The following OVCH1 variants were observed in gnomAD, a reference collection of about 807,000 sequenced individuals.
OVCH1 encodes ovochymase 1.
A neutral mutation model predicts 138.4 loss-of-function variants in OVCH1; 139 were observed. The ratio of observed to expected loss-of-function variants is 1.00; its 90% confidence interval spans 0.87 to 1.16. OVCH1 has a LOEUF of 1.16. Ranked by LOEUF, OVCH1 falls within the 50% of genes most tolerant of loss-of-function variation. The pLI is 0.00. For synonymous variants in OVCH1, 453 were observed against 467.8 expected, an observed-to-expected ratio of 0.97 and a Z score of 0.41; for missense variants, 1,367 against 1,357.9, an observed-to-expected ratio of 1.01 and a Z score of -0.11.
At chr12:29,460,426 A>C (rs1192290986) in intron 19 of OVCH1, among the ~76,000 whole-genome samples, 1 of 152,162 alleles carries the variant, frequency 6.6e-6, no homozygotes, top group Non-Finnish European at 1.5e-5. Context: ...TATGTACTCT[A>C]GCAGACAGCA....
At position 29,427,796 on chromosome 12, in the gene OVCH1, A is replaced by G. The variant is rs1365869108; in HGVS notation, c.3328-148T>C. 6 of 1,160,238 alleles carry G rather than the reference A, an allele frequency of 5.2e-6. No individual in the cohort carries two copies. In the African/African-American group the frequency reaches 7.7e-5, roughly 15 times the overall value. 71.9% of individuals were successfully genotyped at this position (1,160,238 alleles called of 1,614,324 possible). A position where few individuals can be genotyped will look rare whatever the true frequency, so the allele number is the denominator to read the frequency against. Reference sequence around the variant, plus strand: ...CATTAGGTCCAAAATCTTTACAGAAATTGCATGGTTCATTGAAGTAAAATT... The same window carrying G: ...CATTAGGTCCAAAATCTTTACAGAAGTTGCATGGTTCATTGAAGTAAAATT... On this transcript the variant is annotated intron_variant, in intron 27 of 27. Transcript: ENST00000318184.
intron 19 of OVCH1, among the ~76,000 whole-genome samples, chr12:29,460,362 GA>G (rs1480080996): frequency 2.0e-5 from 3 of 152,170 alleles, no homozygotes; most frequent in Non-Finnish European, 4.4e-5. Context: ...AGACTGAGGG[GA>G]AGAATGAACA....
rs548974060 is a variant in OVCH1 at position 29,495,240 on chromosome 12, G to A, written c.454+45C>T. Reference sequence around the variant, plus strand: ...AAAGTTAACTTGTACATAATTAGCAGTTTTCCTCCACTGCATTTTTAATAT... The same window carrying A: ...AAAGTTAACTTGTACATAATTAGCAATTTTCCTCCACTGCATTTTTAATAT... On this transcript the variant is annotated intron_variant, in intron 4 of 27. Transcript: ENST00000318184. 9.2e-5 allele frequency: 141 copies of A among 1,539,064 alleles called. 1 individual carries two copies. In the South Asian group the frequency reaches 1.5e-3, roughly 16 times the overall value.
At chr12:29,413,681 C>CACACACAG (rs1940992920) in intron 3 of OVCH1, among the ~76,000 whole-genome samples, 1 of 152,034 alleles carries the variant, frequency 6.6e-6, no homozygotes, top group African/African-American at 2.4e-5. Flanking sequence ...CACACACACA[C>CACACACAG]ACACACACAT....
rs113602765 is a variant in OVCH1 at position 29,452,193 on chromosome 12, T to C, written c.2531-624A>G. On this transcript the variant is annotated intron_variant, in intron 21 of 27. Transcript: ENST00000318184. ...ATGTCTATTCCTTTGACAAAAACTTTCTAAGCAATTAAAAAATGAAATATT... is the reference window on the plus strand; with the variant it reads ...ATGTCTATTCCTTTGACAAAAACTTCCTAAGCAATTAAAAAATGAAATATT... 3.7e-4 allele frequency among the ~76,000 whole-genome samples: 56 copies of C among 152,298 alleles called. 1 individual carries two copies. Among genetic ancestry groups the C allele is most frequent in the African/African-American group, 1.3e-3 (55 of 41,574 alleles).
chr12:29,464,520 T>C (rs760641531), exon 18 of OVCH1: 1 of 1,613,336 alleles, frequency 6.2e-7, no homozygotes, highest in South Asian at 1.1e-5. Context: ...CACTGATGCT[T>C]CCCCATCCGG....
intron 3 of OVCH1, among the ~76,000 whole-genome samples, chr12:29,413,585 C>T (rs1295637055): frequency 6.6e-6 from 1 of 152,004 alleles, no homozygotes; most frequent in African/African-American, 2.4e-5. Context: ...TGTATTTAAA[C>T]ATTCACATTT....
chr12:29,487,959 C>T, intron 6 of OVCH1, 77 bp from the exon 7 acceptor site: 1 of 1,363,178 alleles, frequency 7.3e-7, no homozygotes, highest in Non-Finnish European at 9.9e-7. Flanking sequence ...TAAACATCAG[C>T]ACTCATCACA....
chr12:29,435,816 T>C (rs1010791080), intron 26 of OVCH1, among the ~76,000 whole-genome samples: 17 of 152,210 alleles, frequency 1.1e-4, no homozygotes, highest in Middle Eastern at 3.2e-3. Flanking sequence ...AAGCTCCCTG[T>C]AACTGCTCCA....
chr12:29,449,521 G>T (rs1041293778), intron 22 of OVCH1, among the ~76,000 whole-genome samples: 1 of 151,980 alleles, frequency 6.6e-6, no homozygotes, highest in African/African-American at 2.4e-5. Flanking sequence ...ACTTGTTTGT[G>T]TCCTCTCTCA....
chr12:29,411,075 C>A (rs1474930163), downstream of OVCH1, among the ~76,000 whole-genome samples: 2 of 132,158 alleles, frequency 1.5e-5, no homozygotes, highest in Non-Finnish European at 3.4e-5. Context: ...ATCGCTGATA[C>A]CCTTTCTTCC....
chr12:29,413,341 T>C (rs1385246718), intron 3 of OVCH1, among the ~76,000 whole-genome samples: 2 of 152,122 alleles, frequency 1.3e-5, no homozygotes, highest in Admixed American at 6.5e-5. Flanking sequence ...TCCATAATCA[T>C]TTTTTAAAAA....
At chr12:29,438,804 A>G (rs1049777193) in intron 26 of OVCH1, among the ~76,000 whole-genome samples, 1 of 152,156 alleles carries the variant, frequency 6.6e-6, no homozygotes, top group Admixed American at 6.5e-5. Flanking sequence ...TCTCATTTAC[A>G]GTAGAAAATC....
Position 29,454,938 on chromosome 12 carries a change from A to G in OVCH1, c.2438-5T>C, listed in dbSNP as rs1405467513. ...TTGTCTGAAGTGAAGCAGGACCTGT[A>G]TTTGGGGAGAACATGTTAAAAATAA... On this transcript the variant is annotated splice_region_variant and splice_polypyrimidine_tract_variant and intron_variant, in intron 20 of 27. Transcript: ENST00000318184. 7 of 1,597,286 alleles carry G rather than the reference A, an allele frequency of 4.4e-6. No homozygotes were observed. Among genetic ancestry groups the G allele is most frequent in the Non-Finnish European group, 5.1e-6 (6 of 1,166,722 alleles).
chr12:29,439,164 A>G lies in OVCH1; in HGVS notation c.3264+164T>C, dbSNP rs528432258. On this transcript the variant is annotated intron_variant, in intron 26 of 27. Transcript: ENST00000318184. ...CTTTTATTTTCTACAACTGTCCCCA[A>G]TATATTCACCTTCCTACAATATGCC... 3.2e-4 allele frequency among the ~76,000 whole-genome samples: 48 copies of G among 149,830 alleles called. 1 individual carries two copies. Among genetic ancestry groups the G allele is most frequent in the Admixed American group, 1.9e-3 (29 of 14,984 alleles).
rs67595567 is a variant in OVCH1 at position 29,488,620 on chromosome 12, C to CAAAAAAAAAAAAAAA, written c.703-753_703-739dup. Among the ~76,000 whole-genome samples, 94 of 61,722 alleles carry CAAAAAAAAAAAAAAA rather than the reference C, an allele frequency of 1.5e-3. 1 individual carries two copies. Among genetic ancestry groups the CAAAAAAAAAAAAAAA allele is most frequent in the African/African-American group, 4.1e-3 (60 of 14,752 alleles). 40.5% of individuals were successfully genotyped at this position (61,722 alleles called of 152,430 possible). A position where few individuals can be genotyped will look rare whatever the true frequency, so the allele number is the denominator to read the frequency against. ...TGGGCAACAGAGTGAGACTCCATCT[C>CAAAAAAAAAAAAAAA]AAAAAAAAAAAAAAAAAAAAAAAGA... On this transcript the variant is annotated intron_variant, in intron 6 of 27. Coordinates refer to ENST00000318184, the Ensembl canonical transcript of OVCH1.
chr12:29,451,947 T>C (rs534593428), intron 21 of OVCH1, among the ~76,000 whole-genome samples: 20 of 152,282 alleles, frequency 1.3e-4, no homozygotes, highest in African/African-American at 4.8e-4. Flanking sequence ...GGACAAATGA[T>C]TACATTCATT....
chr12:29,484,823 C>T (rs543627260), intron 8 of OVCH1, among the ~76,000 whole-genome samples, 23 bp from the exon 9 acceptor site: 96 of 152,146 alleles, frequency 6.3e-4, no homozygotes, highest in Non-Finnish European at 9.3e-4. Context: ...GGGAAAAAGC[C>T]GATCATTTGC....
intron 16 of OVCH1, among the ~76,000 whole-genome samples, chr12:29,468,868 A>G (rs1942405822): frequency 6.6e-6 from 1 of 152,196 alleles, no homozygotes; most frequent in Non-Finnish European, 1.5e-5. Context: ...TGCTACTAGC[A>G]ACTACTATAC....
Sources: gnomAD v4.1 joint callset for allele counts (sites outside exome capture counted in the v4.1 genomes callset) on GRCh38, gnomAD v4.1.1 for gene constraint, MANE v1.5 for transcripts, NCBI Gene and HGNC (gene_info 2026-07-23, HGNC 2026-07-21) for gene names.